EMILIN2: variants seen among roughly 807,000 people sequenced by gnomAD.
EMILIN2 encodes the protein EMILIN-2.
Under a neutral mutation model 87.1 loss-of-function variants are expected in EMILIN2, and 71 were observed. That is an observed-to-expected ratio of 0.82 (90% CI 0.67 to 0.99). The LOEUF (loss-of-function observed/expected upper bound fraction) is 0.99. Among genes scored for constraint, EMILIN2 ranks in the 50% least tolerant of loss-of-function variants. EMILIN2 has a pLI of 0.00. For missense variants in EMILIN2, 1,407 were observed against 1,371.8 expected (o/e 1.03, Z -0.40); for synonymous variants, 581 against 563.4 (o/e 1.03, Z -0.44).
At chr18:2,859,127 T>C (rs1446874976) in intron 2 of EMILIN2, among the ~76,000 whole-genome samples, 1 of 152,198 alleles carries the variant, frequency 6.6e-6, no homozygotes, top group Non-Finnish European at 1.5e-5. Flanking sequence ...CTTTTAGTTC[T>C]TTAAGGAACC....
At position 2,894,706 on chromosome 18, in the gene EMILIN2, G is replaced by C. The variant is rs373313120; in HGVS notation, c.2359+2220G>C. On this transcript the variant is annotated intron_variant, in intron 4 of 7. Coordinates refer to ENST00000254528, the MANE Select transcript of EMILIN2 (RefSeq NM_032048.3). The surrounding 1 kb of genome is among the most constrained non-coding windows in gnomAD (Gnocchi z 5.0). ...GACTGAACTCATTGTGGTGAGTGTA[G>C]ACTGCATGGAGTTTTGAGAATTTCA... Among the ~76,000 whole-genome samples the C allele has an allele frequency of 1.3e-5, 2 of 152,158 alleles. No individual in the cohort carries two copies. Among genetic ancestry groups the C allele is most frequent in the African/African-American group, 4.8e-5 (2 of 41,430 alleles).
intron 4 of EMILIN2, among the ~76,000 whole-genome samples, chr18:2,896,663 A>ATTTT (rs1438010325): frequency 6.6e-6 from 1 of 151,282 alleles, no homozygotes; most frequent in East Asian, 2.0e-4. Context: ...TTATTTATTT[A>ATTTT]TTTTTTTAGA....
chr18:2,896,388 C>G (rs2076863928), intron 4 of EMILIN2, among the ~76,000 whole-genome samples: 1 of 152,054 alleles, frequency 6.6e-6, no homozygotes, highest in Non-Finnish European at 1.5e-5. Flanking sequence ...GTTAGTCAGG[C>G]TGGTCTCGAA....
chr18:2,890,709 C>A lies in EMILIN2; in HGVS notation c.582C>A (p.Leu194=). The change falls in exon 4 of 8, where the codon CTC becomes CTA. Residue 194 remains leucine (L), a synonymous_variant. Coordinates refer to ENST00000254528, the MANE Select transcript of EMILIN2 (RefSeq NM_032048.3). This position sits in a 1 kb window ranked among gnomAD's most constrained non-coding sequence, Gnocchi z 4.7. ...TGCTAGAGGAGAAGGTTCTTCGACT[C>A]ACAAGGACGGTTCTTGACCTCCAGT... The part of the protein sequence containing the change: ...IQVLEEKVLR[L]TRTVLDLQSS... 2 of 1,614,144 alleles carry A rather than the reference C, an allele frequency of 1.2e-6. No individual in the cohort carries two copies. The highest frequency in any genetic ancestry group is 1.7e-6 in the Non-Finnish European group (2 of 1,180,040).
rs201732285 is a variant in EMILIN2 at position 2,884,923 on chromosome 18, C to T, written c.258-41C>T. On this transcript the variant is annotated intron_variant, in intron 2 of 7. Coordinates refer to ENST00000254528, the MANE Select transcript of EMILIN2 (RefSeq NM_032048.3). Reference sequence around the variant, plus strand: ...GTCTAGCGCCGGAAGTTGCTTGTAACGGCAGCCAGTAAAGAGAGATGCCAT... The same window carrying T: ...GTCTAGCGCCGGAAGTTGCTTGTAATGGCAGCCAGTAAAGAGAGATGCCAT... The T allele has an allele frequency of 5.5e-5, 85 of 1,533,034 alleles. No individual in the cohort carries two copies. In the Admixed American group the frequency reaches 1.0e-3, roughly 18 times the overall value. 95.0% of individuals were successfully genotyped at this position (1,533,034 alleles called of 1,614,324 possible).
chr18:2,899,424 T>C (rs2076878356), intron 4 of EMILIN2, among the ~76,000 whole-genome samples: 1 of 152,222 alleles, frequency 6.6e-6, no homozygotes, highest in South Asian at 2.1e-4. Flanking sequence ...TTTAGCTTTA[T>C]AGTGAGTCTT....
rs780319011 is a variant in EMILIN2 at position 2,906,850 on chromosome 18, G to A, written c.2427G>A (p.Pro809=). 17 of 1,351,436 alleles carry A rather than the reference G, an allele frequency of 1.3e-5. No individual in the cohort carries two copies. In the South Asian group the frequency reaches 1.8e-4, roughly 14 times the overall value. The allele number at this position is 1,351,436 out of a possible 1,614,324, so 83.7% of individuals were successfully genotyped here. ...CGCTGCAGCCCGAGCCCGCCCCGCCGAGGCCCAGCGGCCCCGCAACCGCAG... is the reference window on the plus strand; with the variant it reads ...CGCTGCAGCCCGAGCCCGCCCCGCCAAGGCCCAGCGGCCCCGCAACCGCAG... ...KEPLQPEPAP[P]RPSGPATAED... is the part of the protein sequence containing the mutation. Residue 809 remains proline (P), a synonymous_variant, in exon 5 of 8, where the codon CCG becomes CCA. Coordinates refer to ENST00000254528, the MANE Select transcript of EMILIN2 (RefSeq NM_032048.3).
intron 2 of EMILIN2, among the ~76,000 whole-genome samples, chr18:2,854,462 A>T (rs2076617306): frequency 6.6e-6 from 1 of 151,620 alleles, no homozygotes; most frequent in South Asian, 2.1e-4. Context: ...TTAGGGAGTA[A>T]CCTCAGCCAG....
intron 2 of EMILIN2, among the ~76,000 whole-genome samples, chr18:2,856,891 A>G (rs183395713): frequency 1.7e-4 from 26 of 152,354 alleles, no homozygotes; most frequent in African/African-American, 6.0e-4. Context: ...ACAGCAGTTC[A>G]CACTGAAGGG....
chr18:2,885,088 A>T lies in EMILIN2; in HGVS notation c.382A>T (p.Thr128Ser). The T allele has an allele frequency of 1.2e-6, 2 of 1,613,186 alleles. No homozygotes were observed. The highest frequency in any genetic ancestry group is 1.7e-6 in the Non-Finnish European group (2 of 1,179,774). ...CQEGPKDPVK[T>S]LRPTPARPRN... ...AGAAGGTCCCAAAGACCCCGTGAAG[A>T]CCCTCCGCCCCACGCCGGCTCGGCC... The change falls in exon 3 of 8, where the codon ACC becomes TCC. Residue 128 changes from threonine (T) to serine (S), a missense_variant. Coordinates refer to ENST00000254528, the MANE Select transcript of EMILIN2 (RefSeq NM_032048.3).
At position 2,847,187 on chromosome 18, in the gene EMILIN2, G is replaced by A; in HGVS notation, c.-2G>A. On this transcript the variant is annotated 5_prime_UTR_variant, in exon 1 of 8. Transcript: ENST00000254528. This position sits in a 1 kb window ranked among gnomAD's most constrained non-coding sequence, Gnocchi z 4.5. ...AGGCGGGGCGCGCCCGCTGCGCGCG[G>A]GATGTGGCAGCCCAGACGGCCCTGG... 1 of 1,152,136 alleles carries A rather than the reference G, an allele frequency of 8.7e-7. No individual in the cohort carries two copies. The highest frequency in any genetic ancestry group is 1.1e-6 in the Non-Finnish European group (1 of 940,434). The allele number at this position is 1,152,136 out of a possible 1,614,324, so 71.4% of individuals were successfully genotyped here. A position where few individuals can be genotyped will look rare whatever the true frequency, so the allele number is the denominator to read the frequency against.
intron 2 of EMILIN2, among the ~76,000 whole-genome samples, chr18:2,875,406 G>GCCT (rs1456400541): frequency 6.6e-6 from 1 of 152,226 alleles, no homozygotes; most frequent in Non-Finnish European, 1.5e-5. Flanking sequence ...CTGTGATTCT[G>GCCT]CCTCCAGGAA....
At chr18:2,873,933 C>T (rs1171159095) in intron 2 of EMILIN2, among the ~76,000 whole-genome samples, 7 of 152,146 alleles carry the variant, frequency 4.6e-5, no homozygotes, top group South Asian at 4.2e-4. Flanking sequence ...CTGGGTTGGC[C>T]GTGGTATCAA....
intron 5 of EMILIN2, 142 bp downstream of exon 5, chr18:2,907,227 C>T (rs2144071184): frequency 4.2e-6 from 4 of 941,878 alleles, no homozygotes; most frequent in East Asian, 3.4e-5. Context: ...GGAAGGATGC[C>T]GAGGCCCGAG....
intron 4 of EMILIN2, among the ~76,000 whole-genome samples, chr18:2,896,327 C>A (rs1390915698): frequency 6.6e-6 from 1 of 152,050 alleles, no homozygotes; most frequent in Non-Finnish European, 1.5e-5. Context: ...AGGTGTCTGC[C>A]ACCACATCCA....
intron 2 of EMILIN2, among the ~76,000 whole-genome samples, chr18:2,857,464 AG>A (rs2076633610): frequency 6.6e-6 from 1 of 152,218 alleles, no homozygotes; most frequent in Non-Finnish European, 1.5e-5. Flanking sequence ...GAGGATAATG[AG>A]GTAAAGACCT....
intron 4 of EMILIN2, among the ~76,000 whole-genome samples, chr18:2,897,101 CAGA>C (rs2076867305): frequency 1.3e-5 from 2 of 152,256 alleles, no homozygotes; most frequent in East Asian, 1.9e-4. Context: ...ATAAGCAAGG[CAGA>C]AGGTCATCAG....
chr18:2,905,530 A>G (rs895568995), intron 4 of EMILIN2, among the ~76,000 whole-genome samples: 3 of 152,094 alleles, frequency 2.0e-5, no homozygotes, highest in East Asian at 1.9e-4. Context: ...TGTGCAAAAG[A>G]TAATTGCTGA....
chr18:2,874,400 G>A (rs917721814), intron 2 of EMILIN2, among the ~76,000 whole-genome samples: 5 of 152,092 alleles, frequency 3.3e-5, no homozygotes, highest in Admixed American at 3.3e-4. Context: ...GTGTGTGTGT[G>A]TGTACCATCA....
Sources: gnomAD v4.1 joint callset for allele counts (sites outside exome capture counted in the v4.1 genomes callset) on GRCh38, gnomAD v4.1.1 for gene constraint, Gnocchi (gnomAD v3.1) non-coding constraint, MANE v1.5 for transcripts, NCBI Gene and HGNC (gene_info 2026-07-23, HGNC 2026-07-21) for gene names.